The following SH3GLB2 variants were observed in gnomAD, a reference collection of about 807,000 sequenced individuals.
SH3GLB2 encodes the protein SH3 domain containing GRB2 like, endophilin B2.
A neutral mutation model predicts 48.0 loss-of-function variants in SH3GLB2; 24 were observed. The observed-to-expected ratio is 0.50, with a 90% CI of 0.36 to 0.70. SH3GLB2 has a LOEUF of 0.70. Ranked by LOEUF, SH3GLB2 falls within the 30% of genes least tolerant of loss-of-function variation. The probability of loss-of-function intolerance (pLI) is 0.00; values close to 1 mark genes in which losing one functional copy is unlikely to be tolerated. For missense variants in SH3GLB2, 425 were observed against 516.0 expected (o/e 0.82, Z 1.71); for synonymous variants, 227 against 207.6 (o/e 1.09, Z -0.80).
At chr9:129,020,885 C>CG (rs1564583850) in intron 3 of SH3GLB2, among the ~76,000 whole-genome samples, 2 of 106,658 alleles carry the variant, frequency 1.9e-5, no homozygotes, top group East Asian at 4.7e-4. Flanking sequence ...AAAACAAAAA[C>CG]AAAACACACA....
intron 3 of SH3GLB2, among the ~76,000 whole-genome samples, chr9:129,017,052 A>G (rs568799002): frequency 1.3e-5 from 2 of 150,334 alleles, no homozygotes; most frequent in Admixed American, 1.3e-4. Context: ...GGTTCCAGCA[A>G]TTCTCCTGCC....
chr9:129,013,127 C>G, intron 5 of SH3GLB2: 1 of 1,334,372 alleles, frequency 7.5e-7, no homozygotes, highest in Non-Finnish European at 1.1e-6. Flanking sequence ...GAGGGGACAC[C>G]AGGCGGTCGG....
In SH3GLB2 at chr9:129,008,045, CA is replaced by C. The variant is rs1842861965; in HGVS notation, c.*638del. 1 of 152,678 alleles carries C rather than the reference CA, an allele frequency of 6.5e-6. No individual in the cohort carries two copies. Among genetic ancestry groups the C allele is most frequent in the South Asian group, 2.1e-4 (1 of 4,846 alleles). The allele number at this position is 152,678 out of a possible 1,614,324, so 9.5% of individuals were successfully genotyped here. ...GACAGGAGCCCAGGTGACTCGCACA[CA>C]AGGACGGTTTATTGGCTAGAGAGCA... On this transcript the variant is annotated 3_prime_UTR_variant, in exon 11 of 11. Coordinates refer to ENST00000372564, the MANE Select transcript of SH3GLB2 (RefSeq NM_020145.4).
intron 5 of SH3GLB2, chr9:129,013,218 G>A (rs1041291653): frequency 1.6e-6 from 1 of 608,230 alleles, no homozygotes; most frequent in Admixed American, 2.7e-5. Context: ...TGGAGCTTGA[G>A]TCCTCTGGAA....
At position 129,009,202 on chromosome 9, in the gene SH3GLB2, T is replaced by C. The variant is rs747502051; in HGVS notation, c.984A>G (p.Glu328=). ...TCCCACTGGCAGGGGGGGCCACCTC[T>C]TCCAGGCAGAGCGAGGCCTCCCCCG... The part of the protein sequence containing the change: ...APPGEASLCL[E]EVAPPASGTR... The change falls in exon 10 of 11, where the codon GAA becomes GAG. Residue 328 remains glutamate, a synonymous_variant. Transcript: ENST00000372564. 1.9e-6 allele frequency: 3 copies of C among 1,610,522 alleles called. No homozygotes were observed. In the East Asian group the frequency reaches 6.7e-5, roughly 36 times the overall value.
Position 129,007,977 on chromosome 9 carries a change from G to GGTGA in SH3GLB2, c.*703_*706dup. On this transcript the variant is annotated 3_prime_UTR_variant, in exon 11 of 11. Coordinates refer to ENST00000372564, the MANE Select transcript of SH3GLB2 (RefSeq NM_020145.4). ...CACTCTGTGGAAGAGTGGGGCAGAG[G>GGTGA]GTGAGTCTACCTTTCCCTTTACCAC... 1 of 152,382 alleles carries GGTGA rather than the reference G, an allele frequency of 6.6e-6. No individual in the cohort carries two copies. Among genetic ancestry groups the GGTGA allele is most frequent in the East Asian group, 1.9e-4 (1 of 5,166 alleles). 9.4% of individuals were successfully genotyped at this position (152,382 alleles called of 1,614,324 possible). A position where few individuals can be genotyped will look rare whatever the true frequency, so the allele number is the denominator to read the frequency against.
chr9:129,017,092 C>T (rs988107940), intron 3 of SH3GLB2, among the ~76,000 whole-genome samples: 8 of 151,610 alleles, frequency 5.3e-5, no homozygotes, highest in South Asian at 2.1e-4. Flanking sequence ...GGACTATAGG[C>T]GCGCACCAGC....
chr9:129,014,395 G>T lies in SH3GLB2; in HGVS notation c.561+16C>A. Reference sequence around the variant, plus strand: ...GAGCCTGGGCCAGGAGGCCAGCGGGGAGCGGGGACACCTACCGTGGCTTTG... The same window carrying T: ...GAGCCTGGGCCAGGAGGCCAGCGGGTAGCGGGGACACCTACCGTGGCTTTG... On this transcript the variant is annotated intron_variant, in intron 5 of 10. Transcript: ENST00000372564. This position sits in a 1 kb window ranked among gnomAD's most constrained non-coding sequence, Gnocchi z 4.1. The T allele has an allele frequency of 6.5e-7, 1 of 1,548,966 alleles. No individual in the cohort carries two copies. Among genetic ancestry groups the T allele is most frequent in the Non-Finnish European group, 8.7e-7 (1 of 1,146,512 alleles).
In SH3GLB2 at chr9:129,009,536, C is replaced by T. The variant is rs112551880; in HGVS notation, c.840-190G>A. 2.1e-5 allele frequency: 32 copies of T among 1,547,886 alleles called. No homozygotes were observed. The African/African-American group carries it at 2.6e-4, about 13-fold the overall frequency. ...GGCCCCACCCCCTGGTCCCTGCCATCCTCCCCACCCAGGCATTCCCTAGAA... is the reference window on the plus strand; with the variant it reads ...GGCCCCACCCCCTGGTCCCTGCCATTCTCCCCACCCAGGCATTCCCTAGAA... On this transcript the variant is annotated intron_variant, in intron 9 of 10. Transcript: ENST00000372564.
At chr9:129,023,125 G>A (rs1275037668) in intron 1 of SH3GLB2, among the ~76,000 whole-genome samples, 1 of 152,198 alleles carries the variant, frequency 6.6e-6, no homozygotes, top group East Asian at 1.9e-4. Flanking sequence ...CCCACGTAAG[G>A]CACCGGTGCT....
chr9:129,010,031 T>G, intron 8 of SH3GLB2, 89 bp downstream of exon 8: 2 of 1,447,548 alleles, frequency 1.4e-6, no homozygotes, highest in Non-Finnish European at 1.9e-6. Flanking sequence ...GTGAGGGCCA[T>G]TCTGGGGCAG....
In SH3GLB2 at chr9:129,007,587, C is replaced by T. The variant is rs1347706524; in HGVS notation, c.*1097G>A. 1 of 152,238 alleles carries T rather than the reference C, an allele frequency of 6.6e-6. No homozygotes were observed. The highest frequency in any genetic ancestry group is 1.5e-5 in the Non-Finnish European group (1 of 68,078). 9.4% of individuals were successfully genotyped at this position (152,238 alleles called of 1,614,324 possible). On this transcript the variant is annotated 3_prime_UTR_variant, in exon 11 of 11. Transcript: ENST00000372564. ...CTGGGCTTCAGTCCCTGCTTGGCCA[C>T]TTGCCAACTGTGGTCCCTTGAGGAG...
In SH3GLB2 at chr9:129,008,524, C is replaced by T; in HGVS notation, c.*160G>A. 1 of 616,654 alleles carries T rather than the reference C, an allele frequency of 1.6e-6. No individual in the cohort carries two copies. The highest frequency in any genetic ancestry group is 2.9e-6 in the Non-Finnish European group (1 of 340,834). The allele number at this position is 616,654 out of a possible 1,614,324, so 38.2% of individuals were successfully genotyped here. A position where few individuals can be genotyped will look rare whatever the true frequency, so the allele number is the denominator to read the frequency against. ...CTGGGGGAGGGGTGGAGCCATTCAG[C>T]CTCAGGCACCCTCACAGCTAGGTGA... is the stretch of plus-strand genomic sequence containing the variant. On this transcript the variant is annotated 3_prime_UTR_variant, in exon 11 of 11. Transcript: ENST00000372564.
At chr9:129,008,923 T>C (rs1842919525) in intron 10 of SH3GLB2, 132 bp from the exon 11 acceptor site, 3 of 1,275,752 alleles carry the variant, frequency 2.4e-6, no homozygotes, top group Admixed American at 4.1e-5. Context: ...CTGGCGCTCA[T>C]CTCACTTGCT....
At position 129,012,242 on chromosome 9, in the gene SH3GLB2, G is replaced by A; in HGVS notation, c.618C>T (p.Ala206=). ...RPRNYILSAS[A]SALWNDEVDK... Reference sequence around the variant, plus strand: ...GGGGGTGGGGTGCGCTTACCGCGGAGGCGCTGGCCGAGAGAATGTAATTAC... The same window carrying A: ...GGGGGTGGGGTGCGCTTACCGCGGAAGCGCTGGCCGAGAGAATGTAATTAC... The change falls in exon 6 of 11, where the codon GCC becomes GCT. Residue 206 remains alanine, a synonymous_variant. Transcript: ENST00000372564. 1 of 1,294,152 alleles carries A rather than the reference G, an allele frequency of 7.7e-7. No homozygotes were observed. Among genetic ancestry groups the A allele is most frequent in the Non-Finnish European group, 9.9e-7 (1 of 1,013,866 alleles). 80.2% of individuals were successfully genotyped at this position (1,294,152 alleles called of 1,614,324 possible).
chr9:129,022,131 A>T, intron 2 of SH3GLB2, 151 bp downstream of exon 2: 1 of 1,209,232 alleles, frequency 8.3e-7, no homozygotes, highest in Non-Finnish European at 1.1e-6. Flanking sequence ...ATTTTCTTTT[A>T]ACTGTCCCTC....
chr9:129,021,035 GGAGA>G, intron 3 of SH3GLB2, 52 bp downstream of exon 3: 1 of 1,403,494 alleles, frequency 7.1e-7, no homozygotes, highest in Non-Finnish European at 9.4e-7. Context: ...AGGGAGGGAG[GGAGA>G]ATCAGAGCTA....
At chr9:129,027,342 T>C (rs957514266) in intron 1 of SH3GLB2, among the ~76,000 whole-genome samples, 22 of 152,152 alleles carry the variant, frequency 1.4e-4, no homozygotes, top group African/African-American at 5.1e-4. Context: ...ACTGAGAAAC[T>C]GAGGCCCAGT....
At chr9:129,009,998 C>A (rs1843015642) in intron 8 of SH3GLB2, 122 bp downstream of exon 8, 2 of 1,371,816 alleles carry the variant, frequency 1.5e-6, no homozygotes, top group Non-Finnish European at 2.1e-6. Flanking sequence ...TGCGCCCACA[C>A]CCTCCCCGGT....
Sources: gnomAD v4.1 joint callset for allele counts (sites outside exome capture counted in the v4.1 genomes callset) on GRCh38, gnomAD v4.1.1 for gene constraint, Gnocchi (gnomAD v3.1) non-coding constraint, MANE v1.5 for transcripts, NCBI Gene and HGNC (gene_info 2026-07-23, HGNC 2026-07-21) for gene names.